BEND7: variants seen among roughly 807,000 people sequenced by gnomAD.
BEND7 encodes the protein BEN domain containing 7, also known as BEN domain-containing protein 7.
A neutral mutation model predicts 50.9 loss-of-function variants in BEND7; 28 were observed. The ratio of observed to expected loss-of-function variants is 0.55; its 90% CI spans 0.41 to 0.75. The LOEUF is 0.75. Among genes scored for constraint, BEND7 ranks in the 30% least tolerant of loss-of-function variants. The probability of loss-of-function intolerance (pLI) is 0.00; values close to 1 mark genes in which losing one functional copy is unlikely to be tolerated. For missense variants in BEND7, 477 were observed against 491.3 expected (o/e 0.97, Z 0.28); for synonymous variants, 170 against 183.9 (o/e 0.92, Z 0.61).
rs113073805 is a variant in BEND7 at position 13,511,981 on chromosome 10, G to A, written c.146-11901C>T. Among the ~76,000 whole-genome samples, 145 of 152,314 alleles carry A rather than the reference G, an allele frequency of 9.5e-4. 1 individual carries two copies. Among genetic ancestry groups the A allele is most frequent in the African/African-American group, 3.3e-3 (136 of 41,564 alleles). ...GTCCAGGGAGCTGTCACAACAAGACGTGGGTGCCGTGTGAACTAGCTGGTA... is the reference window on the plus strand; with the variant it reads ...GTCCAGGGAGCTGTCACAACAAGACATGGGTGCCGTGTGAACTAGCTGGTA... On this transcript the variant is annotated intron_variant, in intron 2 of 8. Transcript: ENST00000466271.
chr10:13,488,045 C>T (rs960886089), intron 5 of BEND7, among the ~76,000 whole-genome samples: 2 of 146,564 alleles, frequency 1.4e-5, no homozygotes, highest in African/African-American at 5.1e-5. Flanking sequence ...CATGCCACTG[C>T]ACTCCAGCCT....
chr10:13,465,895 G>A (rs1282389355), intron 6 of BEND7, among the ~76,000 whole-genome samples: 3 of 152,038 alleles, frequency 2.0e-5, no homozygotes, highest in Non-Finnish European at 2.9e-5. Flanking sequence ...GTGTGTGTGT[G>A]TGTGTGTGGT....
At chr10:13,496,928 C>CCAA in intron 3 of BEND7, 40 bp from the exon 4 acceptor site, 1 of 1,132,122 alleles carries the variant, frequency 8.8e-7, no homozygotes, top group South Asian at 2.8e-5. Context: ...CCAAACAAAC[C>CCAA]AAAAAAAAAA....
At chr10:13,474,246 C>T (rs924988848) in intron 6 of BEND7, among the ~76,000 whole-genome samples, 6 of 150,478 alleles carry the variant, frequency 4.0e-5, no homozygotes, top group African/African-American at 9.8e-5. Flanking sequence ...GACTCGGGGT[C>T]GACACCCATC....
chr10:13,490,724 C>G (rs2076593164), intron 5 of BEND7, among the ~76,000 whole-genome samples: 1 of 152,238 alleles, frequency 6.6e-6, no homozygotes, highest in Non-Finnish European at 1.5e-5. Context: ...TCTCTCACCC[C>G]ACCCTGCTTT....
At position 13,496,676 on chromosome 10, in the gene BEND7, C is replaced by T; in HGVS notation, c.571+90G>A. ...GCAAGACAGCAAGGTGAGAAGAAGGCTTTAATAAAAGCACAATGAACATTC... is the reference window on the plus strand; with the variant it reads ...GCAAGACAGCAAGGTGAGAAGAAGGTTTTAATAAAAGCACAATGAACATTC... On this transcript the variant is annotated intron_variant, in intron 4 of 8. Coordinates refer to ENST00000466271, the MANE Select transcript of BEND7 (RefSeq NM_001369863.1). The T allele has an allele frequency of 2.8e-6, 4 of 1,436,788 alleles. No homozygotes were observed. The East Asian group carries it at 9.8e-5, about 35-fold the overall frequency. 89.0% of individuals were successfully genotyped at this position (1,436,788 alleles called of 1,614,324 possible). A position where few individuals can be genotyped will look rare whatever the true frequency, so the allele number is the denominator to read the frequency against.
intron 4 of BEND7, among the ~76,000 whole-genome samples, 194 bp from the exon 5 acceptor site, chr10:13,493,070 G>A (rs1349007448): frequency 6.6e-6 from 1 of 152,230 alleles, no homozygotes; most frequent in Non-Finnish European, 1.5e-5. Context: ...AGTCCTAAAG[G>A]CAGAAAAATA....
intron 6 of BEND7, among the ~76,000 whole-genome samples, chr10:13,470,916 A>G (rs2074756772): frequency 6.6e-6 from 1 of 152,232 alleles, no homozygotes; most frequent in African/African-American, 2.4e-5. Flanking sequence ...CATGAGCCTT[A>G]AGCAGTTCTG....
intron 6 of BEND7, among the ~76,000 whole-genome samples, chr10:13,477,367 T>C (rs924016411): frequency 2.6e-5 from 4 of 152,090 alleles, no homozygotes; most frequent in African/African-American, 9.7e-5. Flanking sequence ...TTCCAAGGGG[T>C]GGTAGACAGT....
At chr10:13,517,933 T>A (rs2078812103) in intron 2 of BEND7, among the ~76,000 whole-genome samples, 1 of 152,192 alleles carries the variant, frequency 6.6e-6, no homozygotes, top group Admixed American at 6.5e-5. Flanking sequence ...CTGCTAGTTA[T>A]AAGGATAACA....
intron 6 of BEND7, among the ~76,000 whole-genome samples, chr10:13,454,241 C>T (rs1401363839): frequency 3.9e-5 from 6 of 152,090 alleles, no homozygotes; most frequent in African/African-American, 1.4e-4. Flanking sequence ...TGTGGAGCAC[C>T]CACATGGAGA....
Position 13,441,430 on chromosome 10 carries a change from G to A in BEND7, c.*313C>T, listed in dbSNP as rs996980417. 1.6e-6 allele frequency: 2 copies of A among 1,214,744 alleles called. No individual in the cohort carries two copies. The highest frequency in any genetic ancestry group is 2.1e-6 in the Non-Finnish European group (2 of 975,530). 75.2% of individuals were successfully genotyped at this position (1,214,744 alleles called of 1,614,324 possible). The stretch of plus-strand genomic sequence containing the variant: ...CAGTTTTGATACGTATTTCCAGTGT[G>A]TAGATCCGTTCATCGCACACATCTT... On this transcript the variant is annotated 3_prime_UTR_variant, in exon 9 of 9. Coordinates refer to ENST00000466271, the MANE Select transcript of BEND7 (RefSeq NM_001369863.1).
chr10:13,478,871 A>G (rs2075653332), intron 6 of BEND7, among the ~76,000 whole-genome samples: 1 of 152,184 alleles, frequency 6.6e-6, no homozygotes, highest in Non-Finnish European at 1.5e-5. Flanking sequence ...TTCAATAATA[A>G]AAGTGTATGG....
Position 13,492,602 on chromosome 10 carries a change from G to A in BEND7, c.837+9C>T. 3.7e-6 allele frequency: 6 copies of A among 1,612,898 alleles called. No individual in the cohort carries two copies. The highest frequency in any genetic ancestry group is 5.1e-6 in the Non-Finnish European group (6 of 1,179,754). On this transcript the variant is annotated intron_variant, in intron 5 of 8. Coordinates refer to ENST00000466271, the MANE Select transcript of BEND7 (RefSeq NM_001369863.1). ...CATTAGAGTCAGCAGCCAGAAAATGGCAACTTACATCTGAGGAAGGTGATT... is the reference window on the plus strand; with the variant it reads ...CATTAGAGTCAGCAGCCAGAAAATGACAACTTACATCTGAGGAAGGTGATT...
intron 6 of BEND7, among the ~76,000 whole-genome samples, chr10:13,464,771 T>C (rs2074062732): frequency 6.6e-6 from 1 of 152,126 alleles, no homozygotes. Flanking sequence ...TGTGAACAAA[T>C]CAGAAAATTT....
At chr10:13,440,891 C>T (rs568932767), downstream of BEND7, among the ~76,000 whole-genome samples, 33 of 152,194 alleles carry the variant, frequency 2.2e-4, no homozygotes, top group Non-Finnish European at 4.1e-4. Context: ...CCAGACACAG[C>T]CTTTCCAGCG....
Position 13,447,284 on chromosome 10 carries a change from T to C in BEND7, c.1216A>G (p.Ile406Val). Residue 406 changes from isoleucine (I) to valine (V), a missense_variant, in exon 8 of 9, where the codon ATT (isoleucine) becomes GTT (valine). Physicochemically the swap from Ile to Val is conservative, Grantham distance 29. This residue lies in a region of BEND7 where 64 missense variants were observed against 68.5 expected (regional missense o/e 0.93). Coordinates refer to ENST00000466271, the MANE Select transcript of BEND7 (RefSeq NM_001369863.1). ...IADSDERLDG[I>V]ALPPTVV ...TATTTACCTGTTGGTGGTAGAGCAATGCCGTCCAGTCTTTCATCACTGTCC... is the reference window on the plus strand; with the variant it reads ...TATTTACCTGTTGGTGGTAGAGCAACGCCGTCCAGTCTTTCATCACTGTCC... The C allele has an allele frequency of 1.9e-6, 3 of 1,614,188 alleles. No homozygotes were observed. Among genetic ancestry groups the C allele is most frequent in the Non-Finnish European group, 2.5e-6 (3 of 1,180,042 alleles).
Position 13,452,565 on chromosome 10 carries a change from G to T in BEND7, c.1157C>A (p.Ala386Asp). 6.2e-7 allele frequency: 1 copy of T among 1,612,184 alleles called. No homozygotes were observed. Among genetic ancestry groups the T allele is most frequent in the Non-Finnish European group, 8.5e-7 (1 of 1,179,248 alleles). The change falls in exon 7 of 9, where the codon GCC (alanine) becomes GAC (aspartate). Residue 386 changes from alanine (A) to aspartate (D), a missense_variant. Physicochemically the swap from Ala to Asp is moderately radical, Grantham distance 126. Around this residue, in one of 3 missense-constraint regions of BEND7, gnomAD observed 64 missense variants for 68.5 expected, o/e 0.93. Transcript: ENST00000466271. ...VQILQDQIKL[A>D]RRRLKRGSEI... Reference sequence around the variant, plus strand: ...TGAGCCTCTTTTTAACCTTCTTCTGGCCAGTTTAATTTGATCCTGTAGAAT... The same window carrying T: ...TGAGCCTCTTTTTAACCTTCTTCTGTCCAGTTTAATTTGATCCTGTAGAAT...
Position 13,526,184 on chromosome 10 carries a change from G to A in BEND7, c.99C>T (p.Ser33=), listed in dbSNP as rs2079453329. ...HHEVYKIPEF[S]NDVNGEAKET... The stretch of plus-strand genomic sequence containing the variant: ...CTTTGGCCTCCCCATTAACATCGTT[G>A]CTGAATTCTGGGATCTTATACACCT... Residue 33 remains serine (S), a synonymous_variant, in exon 2 of 9, where the codon AGC becomes AGT. Coordinates refer to ENST00000466271, the MANE Select transcript of BEND7 (RefSeq NM_001369863.1). 7.8e-7 allele frequency: 1 copy of A among 1,289,466 alleles called. No homozygotes were observed. Among genetic ancestry groups the A allele is most frequent in the South Asian group, 1.2e-5 (1 of 80,986 alleles). 79.9% of individuals were successfully genotyped at this position (1,289,466 alleles called of 1,614,324 possible).
Sources: gnomAD v4.1 joint callset for allele counts (sites outside exome capture counted in the v4.1 genomes callset) on GRCh38, gnomAD v4.1.1 for gene constraint, gnomAD v4.1.1 regional missense constraint, MANE v1.5 for transcripts, NCBI Gene and HGNC (gene_info 2026-07-23, HGNC 2026-07-21) for gene names.